Variants in CBX3 observed in about 807,000 individuals in gnomAD.
The protein encoded by CBX3 is chromobox protein homolog 3.
Under a neutral mutation model 22.6 loss-of-function variants are expected in CBX3, and 5 were observed. The observed-to-expected ratio is 0.22, with a 90% CI of 0.12 to 0.47. CBX3 has a LOEUF of 0.47. Among genes scored for constraint, CBX3 ranks in the 20% least tolerant of loss-of-function variants. CBX3 has a pLI of 0.99. For missense variants in CBX3, 83 were observed against 208.1 expected, an observed-to-expected ratio of 0.40 and a Z score of 3.70; for synonymous variants, 50 against 66.6, an observed-to-expected ratio of 0.75 and a Z score of 1.21.
Position 26,211,979 on chromosome 7 carries a change from ACTTCAATAC to A in CBX3, c.426-99_426-91del. The A allele has an allele frequency of 1.9e-6, 2 of 1,039,968 alleles. 1 individual carries two copies. The highest frequency in any genetic ancestry group is 4.4e-5 in the South Asian group (2 of 45,674). The allele number at this position is 1,039,968 out of a possible 1,614,324, so 64.4% of individuals were successfully genotyped here. On this transcript the variant is annotated intron_variant, in intron 5 of 5. Transcript: ENST00000396386. ...ACAAGTAACATAACTCTCCTGGAGC[ACTTCAATAC>A]CTTTTGTTTGGACTATTATTTCTTA...
chr7:26,206,979 C>T (rs554525807), intron 3 of CBX3, among the ~76,000 whole-genome samples: 1 of 152,238 alleles, frequency 6.6e-6, no homozygotes, highest in African/African-American at 2.4e-5. Context: ...TCTCTGGTTC[C>T]TTGTGTTCTT....
intron 2 of CBX3, among the ~76,000 whole-genome samples, chr7:26,203,535 C>G (rs543608737): frequency 6.6e-6 from 1 of 152,248 alleles, no homozygotes; most frequent in Admixed American, 6.5e-5. Context: ...AAGTTTAATT[C>G]ATTGCAGTGT....
chr7:26,211,882 C>A (rs1784808691), intron 5 of CBX3, 126 bp downstream of exon 5: 1 of 853,488 alleles, frequency 1.2e-6, no homozygotes, highest in Non-Finnish European at 1.8e-6. Context: ...GTTACTTTTA[C>A]TAGTAGTGTT....
chr7:26,206,995 T>C (rs1784690092), intron 3 of CBX3, among the ~76,000 whole-genome samples: 1 of 152,208 alleles, frequency 6.6e-6, no homozygotes, highest in Non-Finnish European at 1.5e-5. Context: ...TTCTTTGATA[T>C]GGATTGCTCT....
chr7:26,204,523 G>A (rs1778281840), intron 2 of CBX3, among the ~76,000 whole-genome samples: 3 of 152,170 alleles, frequency 2.0e-5, no homozygotes, highest in South Asian at 2.1e-4. Context: ...TCAGGTGTTT[G>A]CTGCATGTTT....
At chr7:26,210,482 CG>C (rs1272599404) in intron 4 of CBX3, 1 of 152,084 alleles carries the variant, frequency 6.6e-6, no homozygotes, top group African/African-American at 2.4e-5. Context: ...CCACACAGCT[CG>C]TAAGTGGGGT....
At chr7:26,211,967 C>A in intron 5 of CBX3, 115 bp from the exon 6 acceptor site, 2 of 988,924 alleles carry the variant, frequency 2.0e-6, no homozygotes, top group Non-Finnish European at 2.9e-6. Context: ...AGTAACATAA[C>A]TCTCCTGGAG....
In CBX3 at chr7:26,206,522, T is replaced by A. The variant is rs201557283; in HGVS notation, c.167+12T>A. The A allele has an allele frequency of 1.3e-6, 2 of 1,571,552 alleles. No homozygotes were observed. The highest frequency in any genetic ancestry group is 2.4e-5 in the East Asian group (1 of 41,738). On this transcript the variant is annotated intron_variant, in intron 3 of 5. Transcript: ENST00000396386. ...AAGGGATTTACAGAGTAAGAAACTT[T>A]AGTGCATCTTTACTATATGTTTAAC... is the stretch of plus-strand genomic sequence containing the variant.
intron 4 of CBX3, among the ~76,000 whole-genome samples, chr7:26,210,992 A>G (rs1284734496): frequency 6.6e-6 from 1 of 151,956 alleles, no homozygotes; most frequent in East Asian, 1.9e-4. Context: ...CAGGGGGTCC[A>G]ATCTTTTGGC....
intron 2 of CBX3, among the ~76,000 whole-genome samples, chr7:26,204,542 CAG>C (rs1278393721): frequency 6.6e-6 from 1 of 152,126 alleles, no homozygotes; most frequent in Non-Finnish European, 1.5e-5. Context: ...TTTTGTATTT[CAG>C]GGGATTTTTA....
intron 1 of CBX3, 196 bp downstream of exon 1, chr7:26,202,022 T>TG (rs927830449): frequency 5.3e-5 from 8 of 150,606 alleles, no homozygotes; most frequent in African/African-American, 1.5e-4. Flanking sequence ...CGGTAGTTAG[T>TG]GGGGGGACTG....
intron 1 of CBX3, chr7:26,202,494 A>G (rs1273718581): frequency 6.5e-6 from 1 of 153,094 alleles, no homozygotes; most frequent in African/African-American, 2.4e-5. Flanking sequence ...ACGGGGTTGA[A>G]GCATCTTAAG....
At chr7:26,208,644 G>T (rs2128138020) in intron 4 of CBX3, 89 bp downstream of exon 4, 2 of 1,278,608 alleles carry the variant, frequency 1.6e-6, no homozygotes, top group East Asian at 2.4e-5. Flanking sequence ...TTTTGAGATG[G>T]AGTCTTGCTC....
At position 26,212,978 on chromosome 7, in the gene CBX3, A is replaced by C. The variant is rs1207801458; in HGVS notation, c.*770A>C. 6.6e-6 allele frequency: 1 copy of C among 152,288 alleles called. No individual in the cohort carries two copies. Among genetic ancestry groups the C allele is most frequent in the Non-Finnish European group, 1.5e-5 (1 of 68,050 alleles). 9.4% of individuals were successfully genotyped at this position (152,288 alleles called of 1,614,324 possible). ...CAAAACTAAGTTAAATGAACATTTA[A>C]AAGTTTCCCTAGCGGGCCATTCCTT... On this transcript the variant is annotated 3_prime_UTR_variant, in exon 6 of 6. Transcript: ENST00000396386.
intron 4 of CBX3, chr7:26,210,630 A>G (rs1302886737): frequency 6.6e-6 from 1 of 152,170 alleles, no homozygotes; most frequent in African/African-American, 2.4e-5. Flanking sequence ...TATACTCTAA[A>G]AAAATTATTG....
intron 2 of CBX3, 164 bp from the exon 3 acceptor site, chr7:26,206,204 A>C (rs914081865): frequency 7.1e-6 from 4 of 562,246 alleles, no homozygotes; most frequent in Non-Finnish European, 1.2e-5. Flanking sequence ...GCATTCTTTT[A>C]TTTTATTGTC....
chr7:26,204,060 T>C (rs1001284901), intron 2 of CBX3, among the ~76,000 whole-genome samples: 5 of 152,250 alleles, frequency 3.3e-5, no homozygotes, highest in African/African-American at 4.8e-5. Flanking sequence ...TTGTGAGATA[T>C]GTGTGCTGTT....
In CBX3 at chr7:26,206,559, G is replaced by T. The variant is rs200600284; in HGVS notation, c.167+49G>T. ...ACTATATGTTTAACTGCAGCTAAGT[G>T]GTTTTAGAATTTGTTTTTAACCTGG... is the stretch of plus-strand genomic sequence containing the variant. On this transcript the variant is annotated intron_variant, in intron 3 of 5. Coordinates refer to ENST00000396386, the MANE Select transcript of CBX3 (RefSeq NM_016587.4). The T allele has an allele frequency of 1.7e-5, 27 of 1,578,230 alleles. No homozygotes were observed. The African/African-American group carries it at 3.1e-4, about 18-fold the overall frequency.
At chr7:26,210,668 T>TG (rs1784784080) in intron 4 of CBX3, 1 of 152,162 alleles carries the variant, frequency 6.6e-6, no homozygotes, top group African/African-American at 2.4e-5. Context: ...TTTGTTTATA[T>TG]GGGTTATAAT....
Sources: allele counts gnomAD v4.1 joint callset (sites outside exome capture counted in the v4.1 genomes callset), GRCh38; gene constraint gnomAD v4.1.1; transcripts MANE v1.5; gene names NCBI Gene and HGNC (gene_info 2026-07-23, HGNC 2026-07-21).